The following ANKEF1 variants were observed in gnomAD, a reference collection of about 807,000 sequenced individuals.
ANKEF1 encodes ankyrin repeat and EF-hand domain-containing protein 1.
A neutral mutation model predicts 65.1 loss-of-function variants in ANKEF1; 43 were observed. That is an observed-to-expected ratio of 0.66 (90% CI 0.52 to 0.85). The LOEUF (loss-of-function observed/expected upper bound fraction) is 0.85, where lower values mean the gene tolerates loss of function less well. ANKEF1 is among the 40% of genes least tolerant of loss of function. The probability of loss-of-function intolerance (pLI) is 0.00; values close to 1 mark genes in which losing one functional copy is unlikely to be tolerated. For missense variants in ANKEF1, 934 were observed against 952.9 expected (o/e 0.98, Z 0.26); for synonymous variants, 316 against 341.5 (o/e 0.93, Z 0.82).
chr20:10,056,349 A>C lies in ANKEF1; in HGVS notation c.*689A>C, dbSNP rs1348344034. On this transcript the variant is annotated 3_prime_UTR_variant, in exon 11 of 11. Coordinates refer to ENST00000378392, the MANE Select transcript of ANKEF1 (RefSeq NM_022096.6). ...ATAGCTATTAGGTTGGTGCAAAAGT[A>C]ATTGTGGTTTTTGCCATAACCTTTA... 6.6e-6 allele frequency: 1 copy of C among 151,638 alleles called. No homozygotes were observed. The highest frequency in any genetic ancestry group is 1.5e-5 in the Non-Finnish European group (1 of 67,900). The allele number at this position is 151,638 out of a possible 1,614,324, so 9.4% of individuals were successfully genotyped here.
chr20:10,044,815 C>T (rs1481329498), intron 5 of ANKEF1, among the ~76,000 whole-genome samples: 2 of 151,922 alleles, frequency 1.3e-5, no homozygotes, highest in Non-Finnish European at 2.9e-5. Flanking sequence ...AAACTTCTGC[C>T]ACCTGGGACT....
rs1395899825 is a variant in ANKEF1 at position 10,056,689 on chromosome 20, C to T, written c.*1029C>T. The stretch of plus-strand genomic sequence containing the variant: ...TGGAATTTCTTCTTCATCATGGAAA[C>T]CTCAGTTTTGTTCATACACCTAAAT... On this transcript the variant is annotated 3_prime_UTR_variant, in exon 11 of 11. Transcript: ENST00000378392. 6.6e-6 allele frequency: 1 copy of T among 152,084 alleles called. No homozygotes were observed. The highest frequency in any genetic ancestry group is 2.4e-5 in the African/African-American group (1 of 41,416). 9.4% of individuals were successfully genotyped at this position (152,084 alleles called of 1,614,324 possible). A position where few individuals can be genotyped will look rare whatever the true frequency, so the allele number is the denominator to read the frequency against.
intron 5 of ANKEF1, 63 bp downstream of exon 5, chr20:10,044,606 T>A: frequency 6.3e-7 from 1 of 1,585,560 alleles, no homozygotes; most frequent in Non-Finnish European, 8.6e-7. Context: ...TTTCTCAAAT[T>A]TTTTTATATG....
chr20:10,055,655 A>G lies in ANKEF1; in HGVS notation c.2326A>G (p.Thr776Ala). The change falls in exon 11 of 11, where the codon ACC (threonine) becomes GCC (alanine). Residue 776 changes from threonine (T) to alanine (A), a missense_variant. By Grantham distance (58) the Thr-to-Ala change is moderately conservative. Transcript: ENST00000378392. ...KARALEAALK[T>A] ...TCGAGCACTGGAAGCTGCCTTGAAGACCTAAGTCATAGCAGTTATTTCTTG... is the reference window on the plus strand; with the variant it reads ...TCGAGCACTGGAAGCTGCCTTGAAGGCCTAAGTCATAGCAGTTATTTCTTG... The G allele has an allele frequency of 1.2e-6, 2 of 1,613,692 alleles. No individual in the cohort carries two copies. Among genetic ancestry groups the G allele is most frequent in the African/African-American group, 1.3e-5 (1 of 75,018 alleles).
intron 3 of ANKEF1, among the ~76,000 whole-genome samples, chr20:10,042,636 T>C (rs1044543915): frequency 1.6e-4 from 24 of 152,238 alleles, no homozygotes; most frequent in African/African-American, 5.5e-4. Context: ...AATTAGCCAC[T>C]TGGCATCTAA....
At position 10,050,089 on chromosome 20, in the gene ANKEF1, C is replaced by G. The variant is rs1168333600; in HGVS notation, c.1520C>G (p.Ser507Cys). 2 of 1,614,116 alleles carry G rather than the reference C, an allele frequency of 1.2e-6. No homozygotes were observed. Among genetic ancestry groups the G allele is most frequent in the Non-Finnish European group, 1.7e-6 (2 of 1,180,014 alleles). ...ATCACCAAAGCAGGGGATCTGGCTT[C>G]TCTGAAAAAGGCCTTTGAATCAGGA... ...NIITKAGDLA[S>C]LKKAFESGIP... The change falls in exon 7 of 11, where the codon TCT (serine) becomes TGT (cysteine). Residue 507 changes from serine (S) to cysteine (C), a missense_variant. Transcript: ENST00000378392.
rs753530168 is a variant in ANKEF1, at chr20:10,051,796, A to G, written c.1777A>G (p.Thr593Ala). The change falls in exon 8 of 11, where the codon ACT (threonine) becomes GCT (alanine). Residue 593 changes from threonine (T) to alanine (A), a missense_variant. Physicochemically the swap from Thr to Ala is moderately conservative, Grantham distance 58. Coordinates refer to ENST00000378392, the MANE Select transcript of ANKEF1 (RefSeq NM_022096.6). ...LIDAASINNS[T>A]PLNRAIESCR... ...AGATGCAGCTTCAATCAACAACTCA[A>G]CTCCTTTAAATAGAGCCATTGAAAG... 1 of 1,613,604 alleles carries G rather than the reference A, an allele frequency of 6.2e-7. No individual in the cohort carries two copies. Among genetic ancestry groups the G allele is most frequent in the Non-Finnish European group, 8.5e-7 (1 of 1,179,822 alleles).
At chr20:10,050,256 C>T in intron 7 of ANKEF1, 44 bp downstream of exon 7, 2 of 1,477,210 alleles carry the variant, frequency 1.4e-6, no homozygotes, top group Non-Finnish European at 1.8e-6. Context: ...CACGAGTCTT[C>T]ACATTTCAAG....
In ANKEF1 at chr20:10,043,338, GA is replaced by G. The variant is rs775339142; in HGVS notation, c.546+18del. On this transcript the variant is annotated intron_variant, in intron 4 of 10. Coordinates refer to ENST00000378392, the MANE Select transcript of ANKEF1 (RefSeq NM_022096.6). The stretch of plus-strand genomic sequence containing the variant: ...ATCAACTCAGTATGGCTATTCTTGT[GA>G]TTACAAATATTTCTTGTTTCAATTA... 1 of 1,608,350 alleles carries G rather than the reference GA, an allele frequency of 6.2e-7. No individual in the cohort carries two copies. The highest frequency in any genetic ancestry group is 1.1e-5 in the South Asian group (1 of 90,862).
At chr20:10,045,846 T>C (rs1292034235) in intron 6 of ANKEF1, 149 bp downstream of exon 6, 1 of 714,804 alleles carries the variant, frequency 1.4e-6, no homozygotes, top group Non-Finnish European at 2.3e-6. Flanking sequence ...TTGAAAATTA[T>C]TTCTTATACT....
intron 7 of ANKEF1, among the ~76,000 whole-genome samples, chr20:10,050,858 G>C (rs1028885988): frequency 3.3e-5 from 5 of 152,118 alleles, no homozygotes; most frequent in Non-Finnish European, 5.9e-5. Context: ...AACATGCTTT[G>C]GTCCCAAAAC....
At position 10,043,528 on chromosome 20, in the gene ANKEF1, A is replaced by T. The variant is rs1442574762; in HGVS notation, c.546+207A>T. Among the ~76,000 whole-genome samples, 8 of 151,898 alleles carry T rather than the reference A, an allele frequency of 5.3e-5. No homozygotes were observed. In the South Asian group the frequency reaches 1.7e-3, roughly 32 times the overall value. ...AATTATGTTTGGAAACTTGGTATTT[A>T]TTATGCATAATGTCAAGGTACCATT... On this transcript the variant is annotated intron_variant, in intron 4 of 10. Coordinates refer to ENST00000378392, the MANE Select transcript of ANKEF1 (RefSeq NM_022096.6).
At chr20:10,041,942 T>C (rs900920285) in intron 3 of ANKEF1, among the ~76,000 whole-genome samples, 2 of 152,200 alleles carry the variant, frequency 1.3e-5, no homozygotes, top group African/African-American at 2.4e-5. Context: ...AAAAGTTTCC[T>C]GTTTTTTTTC....
rs373264549 is a variant in ANKEF1, at chr20:10,051,644, C to T, written c.1644-19C>T. ...TGGAAAACCGTATTTTTAGTTTGTT[C>T]ATCTATCTTATTTTACAGAGCTAAC... On this transcript the variant is annotated intron_variant, in intron 7 of 10. Transcript: ENST00000378392. 1,005 of 1,575,274 alleles carry T rather than the reference C, an allele frequency of 6.4e-4. 11 individuals are homozygous for T. The South Asian group carries it at 0.01, about 16-fold the overall frequency.
rs1568519964 is a variant in ANKEF1, at chr20:10,056,484, TAGATAGATAGATGATA to T, written c.*825_*840del. 752 of 135,174 alleles carry T rather than the reference TAGATAGATAGATGATA, an allele frequency of 5.6e-3. 6 individuals carry two copies. Among genetic ancestry groups the T allele is most frequent in the African/African-American group, 0.02 (718 of 35,826 alleles). The allele number at this position is 135,174 out of a possible 1,614,324, so 8.4% of individuals were successfully genotyped here. ...AGATGATAGATAGATAGATGATAGATAGATAGATAGATGATAGATAGATAGATAGATAGATAGATAG... is the reference window on the plus strand; with the variant it reads ...AGATGATAGATAGATAGATGATAGATGATAGATAGATAGATAGATAGATAG... On this transcript the variant is annotated 3_prime_UTR_variant, in exon 11 of 11. Coordinates refer to ENST00000378392, the MANE Select transcript of ANKEF1 (RefSeq NM_022096.6).
rs1424839513 is a variant in ANKEF1 at position 10,056,465 on chromosome 20, T to TAGAC, written c.*808_*809insCAGA. 6.9e-6 allele frequency: 1 copy of TAGAC among 144,102 alleles called. No individual in the cohort carries two copies. Among genetic ancestry groups the TAGAC allele is most frequent in the African/African-American group, 2.6e-5 (1 of 37,828 alleles). 8.9% of individuals were successfully genotyped at this position (144,102 alleles called of 1,614,324 possible). On this transcript the variant is annotated 3_prime_UTR_variant, in exon 11 of 11. Transcript: ENST00000378392. ...GGCAGATAGACAGATATATAGATGATAGATAGATAGATGATAGATAGATAG... is the reference window on the plus strand; with the variant it reads ...GGCAGATAGACAGATATATAGATGATAGACAGATAGATAGATGATAGATAGATAG...
In ANKEF1 at chr20:10,035,001, G is replaced by T. The variant is rs981426253; in HGVS notation, c.-441G>T. On this transcript the variant is annotated 5_prime_UTR_variant, in exon 1 of 11. Transcript: ENST00000378392. ...ACGCTGCGGTTGCCCCGGCAGCCGC[G>T]CCCTGCGTGGCGGAAGCTCACAATC... 24 of 153,026 alleles carry T rather than the reference G, an allele frequency of 1.6e-4. 1 individual carries two copies. The highest frequency in any genetic ancestry group is 5.8e-4 in the African/African-American group (24 of 41,554). The allele number at this position is 153,026 out of a possible 1,614,324, so 9.5% of individuals were successfully genotyped here.
rs767028510 is a variant in ANKEF1, at chr20:10,038,537, G to A, written c.236G>A (p.Arg79Gln). Residue 79 changes from arginine to glutamine, a missense_variant, in exon 3 of 11, where the codon CGA becomes CAA. Arg to Gln is a conservative substitution (Grantham distance 43). Coordinates refer to ENST00000378392, the MANE Select transcript of ANKEF1 (RefSeq NM_022096.6). ...DLGAHPDVQD[R>Q]MGCTPTMRAA... Reference sequence around the variant, plus strand: ...GGTGCTCACCCTGATGTGCAAGACCGAATGGGCTGTACTCCCACAATGAGG... The same window carrying A: ...GGTGCTCACCCTGATGTGCAAGACCAAATGGGCTGTACTCCCACAATGAGG... 5.6e-5 allele frequency: 91 copies of A among 1,614,100 alleles called. No individual in the cohort carries two copies. The highest frequency in any genetic ancestry group is 5.8e-5 in the Non-Finnish European group (69 of 1,180,048).
Position 10,057,153 on chromosome 20 carries a change from A to G in ANKEF1, c.*1493A>G, listed in dbSNP as rs1032205670. 3 of 152,192 alleles carry G rather than the reference A, an allele frequency of 2.0e-5. No homozygotes were observed. The highest frequency in any genetic ancestry group is 7.2e-5 in the African/African-American group (3 of 41,450). The allele number at this position is 152,192 out of a possible 1,614,324, so 9.4% of individuals were successfully genotyped here. On this transcript the variant is annotated 3_prime_UTR_variant, in exon 11 of 11. Coordinates refer to ENST00000378392, the MANE Select transcript of ANKEF1 (RefSeq NM_022096.6). ...CAGATTACAGCTCTGTCAGTCACGTATGGATTAAACCCCTTTCCTCTAACC... is the reference window on the plus strand; with the variant it reads ...CAGATTACAGCTCTGTCAGTCACGTGTGGATTAAACCCCTTTCCTCTAACC...
Sources: allele counts gnomAD v4.1 joint callset (sites outside exome capture counted in the v4.1 genomes callset), GRCh38; gene constraint gnomAD v4.1.1; transcripts MANE v1.5; gene names NCBI Gene and HGNC (gene_info 2026-07-23, HGNC 2026-07-21).